The following TENM2 variants were observed in gnomAD, a reference collection of about 807,000 sequenced individuals.
TENM2 encodes teneurin-2.
In TENM2, 52 loss-of-function variants were observed where a neutral mutation model predicts 245.2. That is an observed-to-expected ratio of 0.21 (90% CI 0.17 to 0.27). The LOEUF is 0.27. Ranked by LOEUF, TENM2 falls within the 10% of genes least tolerant of loss-of-function variation. TENM2 has a pLI of 1.00. For synonymous variants in TENM2, 1,363 were observed against 1,438.9 expected (o/e 0.95, Z 1.19); for missense variants, 3,046 against 3,666.8 (o/e 0.83, Z 4.37).
At chr5:167,098,197 C>T in the TENM2 span, among the ~76,000 whole-genome samples, 1 of 152,166 alleles carries the variant, frequency 6.6e-6, no homozygotes, top group African/African-American at 2.4e-5. Context: ...TGATAAATAA[C>T]ATGTGTGTAT....
chr5:167,145,852 C>T, the TENM2 span, among the ~76,000 whole-genome samples: 2 of 152,140 alleles, frequency 1.3e-5, no homozygotes, highest in Non-Finnish European at 2.9e-5. Context: ...CCTTCAGCAC[C>T]GCTGAATAGA....
At chr5:168,036,231 A>G (rs1306911686) in intron 5 of TENM2, among the ~76,000 whole-genome samples, 4 of 152,218 alleles carry the variant, frequency 2.6e-5, no homozygotes, top group Non-Finnish European at 5.9e-5. Flanking sequence ...AATGCCTTGT[A>G]TAAGCCAGAA....
intron 7 of TENM2, among the ~76,000 whole-genome samples, chr5:168,085,850 T>C (rs1252958988): frequency 3.3e-5 from 5 of 152,168 alleles, no homozygotes; most frequent in Non-Finnish European, 7.3e-5. Context: ...TTCCCTGCAA[T>C]CCCACCAACT....
At chr5:167,082,946 T>C in the TENM2 span, among the ~76,000 whole-genome samples, 2 of 152,138 alleles carry the variant, frequency 1.3e-5, no homozygotes, top group South Asian at 2.1e-4. Flanking sequence ...GTATTATTAA[T>C]TGTTGGTGGC....
the TENM2 span, among the ~76,000 whole-genome samples, chr5:167,231,001 T>G: frequency 2.6e-5 from 4 of 152,304 alleles, no homozygotes; most frequent in South Asian, 8.3e-4. Flanking sequence ...GTTTTATTAC[T>G]GTGGCATTTC....
intron 14 of TENM2, among the ~76,000 whole-genome samples, chr5:168,192,197 G>A (rs1259493670): frequency 2.0e-5 from 3 of 152,074 alleles, no homozygotes; most frequent in African/African-American, 7.2e-5. Flanking sequence ...TAAAGCAGAG[G>A]CAAGAAGCCA....
chr5:167,607,928 G>A, intron 2 of TENM2, among the ~76,000 whole-genome samples: 1 of 152,062 alleles, frequency 6.6e-6, no homozygotes, highest in East Asian at 1.9e-4. Flanking sequence ...TATTATAACA[G>A]AAAATGTACT....
intron 5 of TENM2, among the ~76,000 whole-genome samples, chr5:168,010,209 A>G (rs1259847807): frequency 1.3e-5 from 2 of 152,250 alleles, no homozygotes; most frequent in African/African-American, 4.8e-5. Context: ...TAGAATAATC[A>G]TAGGATAGCT....
the TENM2 span, among the ~76,000 whole-genome samples, chr5:167,015,080 C>G: frequency 6.6e-6 from 1 of 151,722 alleles, no homozygotes; most frequent in African/African-American, 2.4e-5. Context: ...TGTAGATGGT[C>G]TAAATGTTTT....
intron 2 of TENM2, among the ~76,000 whole-genome samples, chr5:167,505,341 C>A (rs1379109176): frequency 6.6e-6 from 1 of 152,028 alleles, no homozygotes; most frequent in Non-Finnish European, 1.5e-5. Flanking sequence ...GTTATTATTC[C>A]TCCATTTATA....
chr5:167,214,510 T>G, the TENM2 span, among the ~76,000 whole-genome samples: 1 of 152,218 alleles, frequency 6.6e-6, no homozygotes, highest in Non-Finnish European at 1.5e-5. Context: ...CTTTCTTTTC[T>G]TAGCCAGCTC....
intron 2 of TENM2, among the ~76,000 whole-genome samples, chr5:167,532,608 C>T (rs1403108544): frequency 6.6e-6 from 1 of 151,848 alleles, no homozygotes; most frequent in Non-Finnish European, 1.5e-5. Context: ...ATTCAATTAC[C>T]TCCTACCAAG....
At chr5:167,403,318 T>TA (rs11456572) in intron 2 of TENM2, among the ~76,000 whole-genome samples, 89,342 of 149,798 alleles carry the variant, frequency 0.6, 27,783 homozygotes, top group African/African-American at 0.8. Context: ...TTTTTGGTAG[T>TA]AAAAAAAAAA....
the TENM2 span, among the ~76,000 whole-genome samples, chr5:167,197,612 A>G: frequency 6.6e-6 from 1 of 152,072 alleles, no homozygotes; most frequent in Non-Finnish European, 1.5e-5. Flanking sequence ...AACAATGAAT[A>G]AGCTGTGTCC....
At chr5:167,243,336 A>G in the TENM2 span, among the ~76,000 whole-genome samples, 3 of 152,108 alleles carry the variant, frequency 2.0e-5, no homozygotes, top group Non-Finnish European at 4.4e-5. Flanking sequence ...TCTGAGGGTG[A>G]GTGGGGCCTC....
At chr5:167,597,833 A>C (rs1021296924) in intron 2 of TENM2, among the ~76,000 whole-genome samples, 2 of 152,194 alleles carry the variant, frequency 1.3e-5, no homozygotes, top group African/African-American at 4.8e-5. Context: ...ATAATTACCC[A>C]TATACATACA....
At chr5:168,055,750 T>C (rs1789485528) in intron 6 of TENM2, among the ~76,000 whole-genome samples, 1 of 152,146 alleles carries the variant, frequency 6.6e-6, no homozygotes. Flanking sequence ...CAGAAGGACG[T>C]AGAGCACCTA....
chr5:167,294,383 G>A (rs1754828414), intron 1 of TENM2: 1 of 152,140 alleles, frequency 6.6e-6, no homozygotes. Flanking sequence ...ATAATTTCAT[G>A]GGACTTGGTA....
chr5:168,012,665 A>C (rs561776960), intron 5 of TENM2, among the ~76,000 whole-genome samples: 1 of 150,940 alleles, frequency 6.6e-6, no homozygotes, highest in Admixed American at 6.6e-5. Context: ...AAAAAACAAA[A>C]AAAAAAACTG....
Sources: gnomAD v4.1 joint callset for allele counts (sites outside exome capture counted in the v4.1 genomes callset) on GRCh38, gnomAD v4.1.1 for gene constraint, MANE v1.5 for transcripts, NCBI Gene and HGNC (gene_info 2026-07-23, HGNC 2026-07-21) for gene names.